SAMD5: variants seen among roughly 807,000 people sequenced by gnomAD.
SAMD5 encodes sterile alpha motif domain-containing protein 5.
A neutral mutation model predicts 11.3 loss-of-function variants in SAMD5; 13 were observed. The observed-to-expected ratio is 1.15, with a 90% CI of 0.75 to 1.83. The LOEUF (loss-of-function observed/expected upper bound fraction) is 1.83. Among genes scored for constraint, SAMD5 ranks in the 40% most tolerant of loss-of-function variants. The probability of loss-of-function intolerance (pLI) is 0.00; values close to 1 mark genes in which losing one functional copy is unlikely to be tolerated. For synonymous variants in SAMD5, 129 were observed against 111.3 expected, an observed-to-expected ratio of 1.16 and a Z score of -1.00; for missense variants, 255 against 239.1, an observed-to-expected ratio of 1.07 and a Z score of -0.44.
intron 1 of SAMD5, among the ~76,000 whole-genome samples, chr6:147,526,746 CA>C (rs1423090438): frequency 1.3e-5 from 2 of 152,288 alleles, no homozygotes; most frequent in Admixed American, 1.3e-4. Flanking sequence ...ACAGCATTAG[CA>C]AAATCTCAGA....
chr6:147,564,338 A>G lies in SAMD5; in HGVS notation c.460-56A>G. ...TAGGAGCAGAAATCCATGATGGACT[A>G]GGGGAAGAATGGGTAAAGGAGAACT... On this transcript the variant is annotated intron_variant, in intron 1 of 1. Coordinates refer to ENST00000367474, the MANE Select transcript of SAMD5 (RefSeq NM_001030060.3). 9.1e-6 allele frequency: 7 copies of G among 773,396 alleles called. No individual in the cohort carries two copies. The East Asian group carries it at 1.2e-4, about 14-fold the overall frequency. 47.9% of individuals were successfully genotyped at this position (773,396 alleles called of 1,614,324 possible). A position where few individuals can be genotyped will look rare whatever the true frequency, so the allele number is the denominator to read the frequency against.
At chr6:147,866,392 G>T in the SAMD5 span, among the ~76,000 whole-genome samples, 29 of 152,304 alleles carry the variant, frequency 1.9e-4, no homozygotes, top group East Asian at 5.4e-3. Flanking sequence ...CCTCCAGGAA[G>T]ACAGGTCAGA....
intron 1 of SAMD5, among the ~76,000 whole-genome samples, chr6:147,724,863 G>T (rs562098390): frequency 6.6e-6 from 1 of 152,054 alleles, no homozygotes; most frequent in African/African-American, 2.4e-5. Context: ...TAAGAGTTTG[G>T]TGATTTAAAG....
chr6:147,706,611 A>G (rs985738051), intron 1 of SAMD5, among the ~76,000 whole-genome samples: 1 of 152,194 alleles, frequency 6.6e-6, no homozygotes, highest in East Asian at 1.9e-4. Flanking sequence ...GAGTCCACTT[A>G]TTCTAAACAT....
chr6:147,799,742 A>G, the SAMD5 span, among the ~76,000 whole-genome samples: 3 of 151,556 alleles, frequency 2.0e-5, no homozygotes, highest in South Asian at 6.3e-4. Context: ...ACATAGTCCC[A>G]TATTTCTTGG....
chr6:147,835,446 T>C, the SAMD5 span, among the ~76,000 whole-genome samples: 1 of 152,050 alleles, frequency 6.6e-6, no homozygotes, highest in Admixed American at 6.6e-5. Context: ...TCTCTCCAGC[T>C]CATCTTACTT....
At chr6:147,519,143 T>C (rs908553440) in intron 1 of SAMD5, among the ~76,000 whole-genome samples, 1 of 152,224 alleles carries the variant, frequency 6.6e-6, no homozygotes, top group Non-Finnish European at 1.5e-5. Flanking sequence ...ACAGTTGGTA[T>C]GTATTCTTTA....
At chr6:147,846,840 T>C in the SAMD5 span, among the ~76,000 whole-genome samples, 6 of 152,020 alleles carry the variant, frequency 3.9e-5, no homozygotes, top group East Asian at 1.2e-3. Context: ...AACAAAACAG[T>C]TAAGAGCTTT....
intron 1 of SAMD5, among the ~76,000 whole-genome samples, chr6:147,667,288 A>T (rs1790736384): frequency 6.6e-6 from 1 of 151,614 alleles, no homozygotes; most frequent in African/African-American, 2.4e-5. Context: ...AATCGTCAGC[A>T]TCTTTTTTTT....
At chr6:147,576,278 T>C (rs1271790308) in intron 1 of SAMD5, among the ~76,000 whole-genome samples, 2 of 151,982 alleles carry the variant, frequency 1.3e-5, no homozygotes, top group African/African-American at 4.8e-5. Context: ...GTAGCTGGGA[T>C]TACAGGCGTG....
chr6:147,526,727 A>G (rs924293322), intron 1 of SAMD5, among the ~76,000 whole-genome samples: 3 of 152,248 alleles, frequency 2.0e-5, no homozygotes, highest in Admixed American at 6.5e-5. Flanking sequence ...GAATGAATGC[A>G]TGCATGAAAC....
intron 1 of SAMD5, among the ~76,000 whole-genome samples, chr6:147,602,675 C>T (rs1296744255): frequency 2.0e-5 from 3 of 151,956 alleles, no homozygotes; most frequent in African/African-American, 4.8e-5. Context: ...ACCTGGGAGG[C>T]GGAGGTTGTA....
intron 1 of SAMD5, among the ~76,000 whole-genome samples, chr6:147,585,388 TC>T (rs1049343568): frequency 6.6e-6 from 1 of 152,106 alleles, no homozygotes; most frequent in Non-Finnish European, 1.5e-5. Context: ...AGAAAACATT[TC>T]CCCAAAGTCA....
intron 1 of SAMD5, among the ~76,000 whole-genome samples, chr6:147,699,043 G>A (rs1791217243): frequency 6.6e-6 from 1 of 152,078 alleles, no homozygotes; most frequent in Non-Finnish European, 1.5e-5. Context: ...AGAGGAGGTT[G>A]GAGGCTCAGG....
chr6:147,518,765 C>A (rs748098276), intron 1 of SAMD5, among the ~76,000 whole-genome samples: 2 of 152,170 alleles, frequency 1.3e-5, no homozygotes, highest in Non-Finnish European at 2.9e-5. Context: ...ACTATTAATA[C>A]TACTAGTATT....
the SAMD5 span, among the ~76,000 whole-genome samples, chr6:147,932,624 G>A: frequency 7.1e-6 from 1 of 140,504 alleles, no homozygotes; most frequent in Non-Finnish European, 1.6e-5. Context: ...GTGTGTGTGT[G>A]TGTGTGTGTG....
At chr6:147,706,536 T>C (rs1049220441) in intron 1 of SAMD5, among the ~76,000 whole-genome samples, 1 of 152,184 alleles carries the variant, frequency 6.6e-6, no homozygotes, top group Admixed American at 6.6e-5. Context: ...CCATGACAAG[T>C]CTTTATGAAG....
At chr6:147,791,013 G>T in the SAMD5 span, among the ~76,000 whole-genome samples, 1 of 152,102 alleles carries the variant, frequency 6.6e-6, no homozygotes, top group Non-Finnish European at 1.5e-5. Flanking sequence ...ATGAAAGATA[G>T]GCCGGGTGTG....
At chr6:147,792,956 C>T in the SAMD5 span, among the ~76,000 whole-genome samples, 1 of 152,184 alleles carries the variant, frequency 6.6e-6, no homozygotes. Flanking sequence ...CGAATAGATA[C>T]ATCTCCCATG....
Sources: gnomAD v4.1 joint callset for allele counts (sites outside exome capture counted in the v4.1 genomes callset) on GRCh38, gnomAD v4.1.1 for gene constraint, MANE v1.5 for transcripts, NCBI Gene and HGNC (gene_info 2026-07-23, HGNC 2026-07-21) for gene names.